CFAP43: variants seen among roughly 807,000 people sequenced by gnomAD.
CFAP43 encodes the protein cilia and flagella associated protein 43.
CFAP43 carries 155 observed loss-of-function variants against 218.9 expected under a neutral mutation model. The observed-to-expected ratio is 0.71, with a 90% CI of 0.62 to 0.81. CFAP43 has a LOEUF of 0.81. Ranked by LOEUF, CFAP43 falls within the 30% of genes least tolerant of loss-of-function variation. CFAP43 has a pLI of 0.00. For synonymous variants in CFAP43, 645 were observed against 681.3 expected (o/e 0.95, Z 0.83); for missense variants, 1,778 against 1,954.3 (o/e 0.91, Z 1.70).
At chr10:104,192,139 A>C in intron 12 of CFAP43, 60 bp downstream of exon 12, 1 of 1,317,034 alleles carries the variant, frequency 7.6e-7, no homozygotes, top group Non-Finnish European at 1.1e-6. Flanking sequence ...GTCCATTTTC[A>C]TAACCTTAAA....
Position 104,179,223 on chromosome 10 carries a change from A to G in CFAP43, c.2383-117T>C. 3.6e-6 allele frequency: 3 copies of G among 825,782 alleles called. No individual in the cohort carries two copies. The East Asian group carries it at 7.9e-5, about 22-fold the overall frequency. The allele number at this position is 825,782 out of a possible 1,614,324, so 51.2% of individuals were successfully genotyped here. On this transcript the variant is annotated intron_variant, in intron 18 of 37. Coordinates refer to ENST00000357060, the MANE Select transcript of CFAP43 (RefSeq NM_025145.7). ...GAAACTAAAATTTGTAAAGACTAAT[A>G]TAAAGTGTACATGAAGTAATACCAC...
At chr10:104,223,451 C>T (rs1276805289) in intron 3 of CFAP43, among the ~76,000 whole-genome samples, 11 of 152,120 alleles carry the variant, frequency 7.2e-5, no homozygotes. Context: ...CATTGATGTA[C>T]CCATTTTACA....
Position 104,193,889 on chromosome 10 carries a change from CGA to C in CFAP43, c.1417_1418del (p.Ser473GlyfsTer10). 1.2e-6 allele frequency: 2 copies of C among 1,614,070 alleles called. No homozygotes were observed. The highest frequency in any genetic ancestry group is 1.7e-6 in the Non-Finnish European group (2 of 1,179,988). ...SPQVVHKAFL[S>X]ESSVQHVVYD... ...ACACGACGTGCTGCACGGACGATTC[CGA>C]GAGAAAGGCCTTGTGCACGACCTGA... On this transcript the variant is annotated frameshift_variant, in exon 11 of 38. Transcript: ENST00000357060. LOFTEE classifies it high-confidence loss of function.
At chr10:104,158,713 A>G (rs1012855441) in intron 27 of CFAP43, among the ~76,000 whole-genome samples, 1 of 152,180 alleles carries the variant, frequency 6.6e-6, no homozygotes, top group Non-Finnish European at 1.5e-5. Flanking sequence ...AGATAATCAT[A>G]TTAATATTAA....
At chr10:104,212,224 T>C in intron 4 of CFAP43, 67 bp from the exon 5 acceptor site, 1 of 1,520,406 alleles carries the variant, frequency 6.6e-7, no homozygotes, top group East Asian at 2.3e-5. Flanking sequence ...AACCACTGCA[T>C]ATCAGTTTAA....
rs146732399 is a variant in CFAP43, at chr10:104,207,755, T to C, written c.805A>G (p.Ile269Val). The C allele has an allele frequency of 6.2e-6, 10 of 1,614,060 alleles. No homozygotes were observed. The highest frequency in any genetic ancestry group is 1.1e-5 in the South Asian group (1 of 91,084). The change falls in exon 6 of 38, where the codon ATT becomes GTT. Residue 269 changes from isoleucine to valine, a missense_variant. By Grantham distance (29) the Ile-to-Val change is conservative. Transcript: ENST00000357060. ...AAAAGATGACCCTCTTCACAGCCAA[T>C]GTACAAGTCACTTGTTGGAGTCCAG... ...HCWTPTSDLY[I>V]GCEEGHLLMI...
chr10:104,148,076 CA>C, intron 28 of CFAP43, 78 bp from the exon 29 acceptor site: 1 of 838,504 alleles, frequency 1.2e-6, no homozygotes, highest in Non-Finnish European at 1.7e-6. Context: ...TGGCACTAAT[CA>C]AGCAAGTTTA....
At chr10:104,167,083 G>A (rs2089191728) in intron 22 of CFAP43, among the ~76,000 whole-genome samples, 2 of 152,138 alleles carry the variant, frequency 1.3e-5, no homozygotes, top group Non-Finnish European at 2.9e-5. Flanking sequence ...GGATCAGTGG[G>A]TGAAGGTTAA....
Position 104,141,018 on chromosome 10 carries a change from T to C in CFAP43, c.4272-17A>G. 9.4e-6 allele frequency: 15 copies of C among 1,599,042 alleles called. No homozygotes were observed. Among genetic ancestry groups the C allele is most frequent in the Non-Finnish European group, 1.3e-5 (15 of 1,173,308 alleles). On this transcript the variant is annotated splice_polypyrimidine_tract_variant and intron_variant, in intron 33 of 37. Coordinates refer to ENST00000357060, the MANE Select transcript of CFAP43 (RefSeq NM_025145.7). ...TCCTGTAATCTGAATTGAAAAGTAC[T>C]TCAAAGCAAGTAGTTGTAATATATT...
intron 8 of CFAP43, among the ~76,000 whole-genome samples, chr10:104,200,755 AG>A (rs1031147536): frequency 4.9e-5 from 7 of 142,262 alleles, no homozygotes; most frequent in African/African-American, 1.9e-4. Flanking sequence ...CATTCCAGAC[AG>A]AGGGAAAAGC....
At chr10:104,232,157 G>A in intron 1 of CFAP43, 25 bp downstream of exon 1, 4 of 1,600,110 alleles carry the variant, frequency 2.5e-6, no homozygotes, top group Non-Finnish European at 3.4e-6. Flanking sequence ...GACCCAGATC[G>A]GTCGCGGGGC....
chr10:104,196,831 TC>T, intron 10 of CFAP43, 21 bp downstream of exon 10: 1 of 1,560,392 alleles, frequency 6.4e-7, no homozygotes, highest in Non-Finnish European at 8.7e-7. Flanking sequence ...TTTTTTAAAA[TC>T]CATTTATCAA....
chr10:104,198,703 T>C (rs993456745), intron 8 of CFAP43, among the ~76,000 whole-genome samples: 1 of 151,794 alleles, frequency 6.6e-6, no homozygotes, highest in Non-Finnish European at 1.5e-5. Flanking sequence ...CAGGCTGGAG[T>C]GCGATGGCGG....
At chr10:104,159,755 C>T (rs1275050896) in intron 27 of CFAP43, among the ~76,000 whole-genome samples, 2 of 152,070 alleles carry the variant, frequency 1.3e-5, no homozygotes, top group South Asian at 4.2e-4. Context: ...AGATGCGCAA[C>T]GGGTGTGAAA....
chr10:104,203,617 G>A (rs2090595866), intron 8 of CFAP43, 55 bp downstream of exon 8: 2 of 1,518,142 alleles, frequency 1.3e-6, no homozygotes. Context: ...GTCATGTAAT[G>A]ATGATAATAA....
chr10:104,192,084 C>T, intron 12 of CFAP43, 115 bp downstream of exon 12: 1 of 778,344 alleles, frequency 1.3e-6, no homozygotes, highest in Admixed American at 3.1e-5. Flanking sequence ...GTTTCTCTTT[C>T]AGAAAATATG....
At position 104,188,301 on chromosome 10, in the gene CFAP43, C is replaced by G; in HGVS notation, c.1656G>C (p.Glu552Asp). 1 of 1,614,144 alleles carries G rather than the reference C, an allele frequency of 6.2e-7. No individual in the cohort carries two copies. The highest frequency in any genetic ancestry group is 8.5e-7 in the Non-Finnish European group (1 of 1,180,028). ...GCAGTAATGTAGGCAGTGTGAACAT[C>G]TCCAACCTGCTTCTCCCTGCTTCTG... ...SLPEAGRSRL[E>D]MFTLPTLLPQ... Residue 552 changes from glutamate (E) to aspartate (D), a missense_variant, in exon 13 of 38, where the codon GAG becomes GAC. By Grantham distance (45) the Glu-to-Asp change is conservative. This residue lies in a region of CFAP43 where 1,553 missense variants were observed against 1,685.2 expected (regional missense o/e 0.92). Coordinates refer to ENST00000357060, the MANE Select transcript of CFAP43 (RefSeq NM_025145.7).
intron 24 of CFAP43, among the ~76,000 whole-genome samples, chr10:104,163,571 T>C (rs1398984143): frequency 6.6e-6 from 1 of 152,152 alleles, no homozygotes; most frequent in East Asian, 1.9e-4. Flanking sequence ...GGAGAGCCCC[T>C]TTCTCTGGGA....
At chr10:104,151,446 G>A (rs1416019081) in intron 28 of CFAP43, among the ~76,000 whole-genome samples, 1 of 152,140 alleles carries the variant, frequency 6.6e-6, no homozygotes, top group East Asian at 1.9e-4. Flanking sequence ...TCTGACTAGT[G>A]TGAGATGGTA....
Sources: allele counts gnomAD v4.1 joint callset (sites outside exome capture counted in the v4.1 genomes callset), GRCh38; gene constraint gnomAD v4.1.1; regional missense constraint gnomAD v4.1.1; transcripts MANE v1.5; gene names NCBI Gene and HGNC (gene_info 2026-07-23, HGNC 2026-07-21).